PPM1H: variants seen among roughly 807,000 people sequenced by gnomAD.
PPM1H encodes the protein protein phosphatase, Mg2+/Mn2+ dependent 1H.
In PPM1H, 27 loss-of-function variants were observed where a neutral mutation model predicts 54.9. The observed-to-expected ratio is 0.49, with a 90% confidence interval of 0.36 to 0.68. The LOEUF is 0.68. Among genes scored for constraint, PPM1H ranks in the 30% least tolerant of loss-of-function variants. PPM1H has a pLI of 0.00. For missense variants in PPM1H, 596 were observed against 667.8 expected (o/e 0.89, Z 1.19); for synonymous variants, 305 against 270.8 (o/e 1.13, Z -1.24).
intron 1 of PPM1H, among the ~76,000 whole-genome samples, chr12:62,842,660 A>G (rs373934469): frequency 6.6e-6 from 1 of 152,172 alleles, no homozygotes; most frequent in South Asian, 2.1e-4. Context: ...ACAGAAGGGG[A>G]CTGTTATGTA....
rs1300725074 is a variant in PPM1H at position 62,646,026 on chromosome 12, A to G, written c.*2463T>C. On this transcript the variant is annotated 3_prime_UTR_variant, in exon 10 of 10. Coordinates refer to ENST00000228705, the MANE Select transcript of PPM1H (RefSeq NM_020700.2). ...AATATCAGTGCTGGACAGATCTGCC[A>G]TGCTTCGTTTACATCATGTTTCCTA... 1 of 152,184 alleles carries G rather than the reference A, an allele frequency of 6.6e-6. No individual in the cohort carries two copies. The highest frequency in any genetic ancestry group is 6.5e-5 in the Admixed American group (1 of 15,282). 9.4% of individuals were successfully genotyped at this position (152,184 alleles called of 1,614,324 possible). A position where few individuals can be genotyped will look rare whatever the true frequency, so the allele number is the denominator to read the frequency against.
intron 9 of PPM1H, among the ~76,000 whole-genome samples, chr12:62,660,802 G>A (rs1008153579): frequency 6.6e-6 from 1 of 152,186 alleles, no homozygotes; most frequent in African/African-American, 2.4e-5. Flanking sequence ...TCTTGGCTAA[G>A]ACCTAAATTG....
At chr12:62,741,558 T>C (rs182491905) in intron 4 of PPM1H, among the ~76,000 whole-genome samples, 2 of 152,340 alleles carry the variant, frequency 1.3e-5, no homozygotes, top group East Asian at 3.9e-4. Context: ...TTCCTTCTCA[T>C]GGTTAGCCCA....
intron 1 of PPM1H, among the ~76,000 whole-genome samples, chr12:62,889,811 A>G (rs1870720939): frequency 6.6e-6 from 1 of 152,190 alleles, no homozygotes; most frequent in African/African-American, 2.4e-5. Flanking sequence ...AAAACACAAA[A>G]CTATAAAACT....
At position 62,731,953 on chromosome 12, in the gene PPM1H, T is replaced by C. The variant is rs144096164; in HGVS notation, c.954+5549A>G. ...CAGAACAGTAAAATCTGTTGTGAAATGTCCATCAACCAGACACCCTTCCCT... is the reference window on the plus strand; with the variant it reads ...CAGAACAGTAAAATCTGTTGTGAAACGTCCATCAACCAGACACCCTTCCCT... On this transcript the variant is annotated intron_variant, in intron 5 of 9. Coordinates refer to ENST00000228705, the MANE Select transcript of PPM1H (RefSeq NM_020700.2). 2.6e-5 allele frequency among the ~76,000 whole-genome samples: 4 copies of C among 152,254 alleles called. No individual in the cohort carries two copies. The East Asian group carries it at 7.7e-4, about 29-fold the overall frequency.
chr12:62,741,263 C>T (rs1265903834), intron 4 of PPM1H, among the ~76,000 whole-genome samples: 1 of 152,128 alleles, frequency 6.6e-6, no homozygotes, highest in Admixed American at 6.5e-5. Flanking sequence ...ACAGGAATCC[C>T]TCTCTTTCCT....
chr12:62,715,499 C>T (rs1014852906), intron 6 of PPM1H, among the ~76,000 whole-genome samples: 2 of 152,086 alleles, frequency 1.3e-5, no homozygotes, highest in African/African-American at 4.8e-5. Context: ...TATGAAGGTC[C>T]TGGTGACAAT....
At chr12:62,833,537 A>C (rs1227504787) in intron 1 of PPM1H, among the ~76,000 whole-genome samples, 1 of 152,176 alleles carries the variant, frequency 6.6e-6, no homozygotes, top group East Asian at 1.9e-4. Flanking sequence ...GACCTTATTC[A>C]AATTTCACCA....
chr12:62,698,895 T>A (rs1184457070), intron 6 of PPM1H, among the ~76,000 whole-genome samples: 1 of 152,162 alleles, frequency 6.6e-6, no homozygotes, highest in Non-Finnish European at 1.5e-5. Flanking sequence ...ATCTTGTTAG[T>A]TTTAGTCCAT....
At position 62,934,670 on chromosome 12, in the gene PPM1H, A is replaced by G; in HGVS notation, c.67T>C (p.Ser23Pro). The G allele has an allele frequency of 2.5e-6, 4 of 1,605,118 alleles. No individual in the cohort carries two copies. Among genetic ancestry groups the G allele is most frequent in the Non-Finnish European group, 3.4e-6 (4 of 1,176,934 alleles). Reference protein sequence around the residue: ...MGGIMAGSSGSEHGGGSCGGS... With the variant: ...MGGIMAGSSGPEHGGGSCGGS... ...CCGCAGCTGCCGCCGCCGTGCTCGG[A>G]GCCTGAGCTGCCAGCCATGATGCCG... The change falls in exon 1 of 10, where the codon TCC (serine) becomes CCC (proline). Residue 23 changes from serine (S) to proline (P), a missense_variant. Ser to Pro is a moderately conservative substitution (Grantham distance 74). This residue lies in a region of PPM1H where 382 missense variants were observed against 387.1 expected (regional missense o/e 0.99). Transcript: ENST00000228705. This position sits in a 1 kb window ranked among gnomAD's most constrained non-coding sequence, Gnocchi z 4.2.
Position 62,832,209 on chromosome 12 carries a change from T to A in PPM1H, c.316A>T (p.Lys106Ter). 6.2e-7 allele frequency: 1 copy of A among 1,613,706 alleles called. No homozygotes were observed. The stretch of plus-strand genomic sequence containing the variant: ...GGGGTTGAGGTCACGGCCCCTGCCT[T>A]CTTCTTCACAGTGAGCACCTCACAG... ...ASCEVLTVKK[K>*]AGAVTSTPNR... The change falls in exon 2 of 10, where the codon AAG becomes TAG. Residue 106 changes from lysine to a stop codon, truncating the protein, a stop_gained. Coordinates refer to ENST00000228705, the MANE Select transcript of PPM1H (RefSeq NM_020700.2). LOFTEE classifies it high-confidence loss of function.
chr12:62,764,869 C>A (rs781405054), intron 4 of PPM1H, among the ~76,000 whole-genome samples: 3 of 152,216 alleles, frequency 2.0e-5, no homozygotes, highest in Non-Finnish European at 4.4e-5. Flanking sequence ...GTAGAAGCAA[C>A]TGCATGTGTG....
At chr12:62,835,532 C>T (rs1868477551) in intron 1 of PPM1H, among the ~76,000 whole-genome samples, 1 of 152,182 alleles carries the variant, frequency 6.6e-6, no homozygotes. Flanking sequence ...TACTGGTGCC[C>T]TTACTTTGCC....
chr12:62,654,454 A>G (rs962128543), intron 9 of PPM1H, among the ~76,000 whole-genome samples: 21 of 152,200 alleles, frequency 1.4e-4, no homozygotes, highest in Non-Finnish European at 2.6e-4. Flanking sequence ...GCCACTGTGC[A>G]TGCAGACAGC....
intron 1 of PPM1H, among the ~76,000 whole-genome samples, chr12:62,839,974 G>A (rs746936076): frequency 9.9e-5 from 15 of 151,618 alleles, no homozygotes; most frequent in African/African-American, 3.6e-4. Flanking sequence ...GGAGAAGTTG[G>A]ATGCTGCAGT....
At chr12:62,904,067 G>A (rs1474828264) in intron 1 of PPM1H, among the ~76,000 whole-genome samples, 11 of 152,040 alleles carry the variant, frequency 7.2e-5, no homozygotes, top group Admixed American at 5.2e-4. Flanking sequence ...CTGTCATATT[G>A]CCTTCACTTC....
chr12:62,693,506 C>T (rs1309690225), intron 7 of PPM1H, among the ~76,000 whole-genome samples: 2 of 152,226 alleles, frequency 1.3e-5, no homozygotes, highest in East Asian at 3.8e-4. Context: ...AGCTGCCCCT[C>T]GCTTGGCTGC....
At chr12:62,882,789 T>C (rs1870442211) in intron 1 of PPM1H, among the ~76,000 whole-genome samples, 1 of 152,220 alleles carries the variant, frequency 6.6e-6, no homozygotes. Context: ...GTCACTTCTG[T>C]TTAAAAATTC....
At position 62,755,907 on chromosome 12, in the gene PPM1H, A is replaced by T. The variant is rs1565779266; in HGVS notation, c.870-18321T>A. 4.6e-5 allele frequency: 36 copies of T among 781,490 alleles called. No homozygotes were observed. The East Asian group carries it at 8.8e-4, about 19-fold the overall frequency. The allele number at this position is 781,490 out of a possible 1,614,324, so 48.4% of individuals were successfully genotyped here. On this transcript the variant is annotated intron_variant, in intron 4 of 9. Coordinates refer to ENST00000228705, the MANE Select transcript of PPM1H (RefSeq NM_020700.2). ...AAGGTCATCCCTGAGCTAAATGGGAAGTTCACTGGCATGGCCTTCTGTGTC... is the reference window on the plus strand; with the variant it reads ...AAGGTCATCCCTGAGCTAAATGGGATGTTCACTGGCATGGCCTTCTGTGTC...
Sources: gnomAD v4.1 joint callset for allele counts (sites outside exome capture counted in the v4.1 genomes callset) on GRCh38, gnomAD v4.1.1 for gene constraint, gnomAD v4.1.1 regional missense constraint, Gnocchi (gnomAD v3.1) non-coding constraint, MANE v1.5 for transcripts, NCBI Gene and HGNC (gene_info 2026-07-23, HGNC 2026-07-21) for gene names.